Variants in DLGAP1 observed in about 807,000 individuals in gnomAD.
DLGAP1 encodes the protein disks large-associated protein 1.
Under a neutral mutation model 90.8 loss-of-function variants are expected in DLGAP1, and 11 were observed. The observed-to-expected ratio is 0.12, with a 90% confidence interval of 0.08 to 0.20. The LOEUF (loss-of-function observed/expected upper bound fraction) is 0.20. Ranked by LOEUF, DLGAP1 falls within the 10% of genes least tolerant of loss-of-function variation. The pLI is 1.00. For missense variants in DLGAP1, 1,050 were observed against 1,333.8 expected (o/e 0.79, Z 3.31); for synonymous variants, 558 against 540.7 (o/e 1.03, Z -0.44).
intron 1 of DLGAP1, among the ~76,000 whole-genome samples, chr18:4,345,886 C>A (rs2081293983): frequency 6.6e-6 from 1 of 152,336 alleles, no homozygotes; most frequent in Middle Eastern, 3.4e-3. Flanking sequence ...TTTTCAAACT[C>A]TTACACAGTG....
intron 1 of DLGAP1, among the ~76,000 whole-genome samples, chr18:4,274,096 G>C (rs2079352109): frequency 6.6e-6 from 1 of 150,888 alleles, no homozygotes; most frequent in South Asian, 2.1e-4. Flanking sequence ...TCCGTCTTAA[G>C]GTGGAAGGTT....
Position 3,541,039 on chromosome 18 carries a change from G to C in DLGAP1, c.2058-6424C>G, listed in dbSNP as rs149732919. Among the ~76,000 whole-genome samples the C allele has an allele frequency of 8.7e-3, 1,319 of 152,240 alleles. 26 individuals carry two copies. The highest frequency in any genetic ancestry group is 0.03 in the African/African-American group (1,252 of 41,536). On this transcript the variant is annotated intron_variant, in intron 9 of 12. Coordinates refer to ENST00000315677, the MANE Select transcript of DLGAP1 (RefSeq NM_004746.4). ...CTTGAACTGAATGTGCCCCCAGAAG[G>C]AACTGCTTTACCTCCGCAACTGGAA... is the stretch of plus-strand genomic sequence containing the variant.
At chr18:3,675,963 TAGTG>T (rs1447919021) in intron 7 of DLGAP1, among the ~76,000 whole-genome samples, 6 of 152,216 alleles carry the variant, frequency 3.9e-5, no homozygotes, top group Non-Finnish European at 4.4e-5. Flanking sequence ...CTTAGGCAGA[TAGTG>T]AGGGTACGGA....
At chr18:4,038,443 G>A (rs917654934) in intron 2 of DLGAP1, among the ~76,000 whole-genome samples, 1 of 152,168 alleles carries the variant, frequency 6.6e-6, no homozygotes, top group Non-Finnish European at 1.5e-5. Flanking sequence ...TAGGAGAGCA[G>A]CCACAGAGAG....
At chr18:3,612,801 G>A (rs931536187) in intron 7 of DLGAP1, among the ~76,000 whole-genome samples, 6 of 152,004 alleles carry the variant, frequency 3.9e-5, no homozygotes, top group Admixed American at 6.6e-5. Flanking sequence ...CAAAACCTTT[G>A]TGTTAGCTAT....
chr18:3,797,824 A>C (rs948590051), intron 5 of DLGAP1, among the ~76,000 whole-genome samples: 2 of 152,132 alleles, frequency 1.3e-5, no homozygotes, highest in African/African-American at 2.4e-5. Flanking sequence ...TCCCCACCCA[A>C]ATCTCATCTT....
chr18:3,748,919 T>A (rs913952022), intron 5 of DLGAP1, among the ~76,000 whole-genome samples: 7 of 152,242 alleles, frequency 4.6e-5, no homozygotes, highest in Non-Finnish European at 1.0e-4. Flanking sequence ...AGTTGTTTAC[T>A]TTTGTAGTTG....
intron 8 of DLGAP1, among the ~76,000 whole-genome samples, chr18:3,579,055 A>G (rs1336612108): frequency 6.6e-6 from 1 of 152,024 alleles, no homozygotes; most frequent in Non-Finnish European, 1.5e-5. Flanking sequence ...AATAATTATT[A>G]TTATTATTCT....
Position 3,879,751 on chromosome 18 carries a change from C to G in DLGAP1, c.318G>C (p.Gln106His). 6.2e-7 allele frequency: 1 copy of G among 1,608,446 alleles called. No individual in the cohort carries two copies. The highest frequency in any genetic ancestry group is 2.2e-5 in the East Asian group (1 of 44,862). Reference protein sequence around the residue: ...ANRIPANLLDQFERQLPLSRD... With the variant: ...ANRIPANLLDHFERQLPLSRD... ...GGCTGAGTGGCAGCTGCCGCTCGAA[C>G]TGGTCCAGCAGGTTGGCGGGGATGC... is the stretch of plus-strand genomic sequence containing the variant. The change falls in exon 4 of 13, where the codon CAG (glutamine) becomes CAC (histidine). Residue 106 changes from glutamine (Q) to histidine (H), a missense_variant. By Grantham distance (24) the Gln-to-His change is conservative. Coordinates refer to ENST00000315677, the MANE Select transcript of DLGAP1 (RefSeq NM_004746.4). The surrounding 1 kb of genome is among the most constrained non-coding windows in gnomAD (Gnocchi z 6.6).
intron 1 of DLGAP1, among the ~76,000 whole-genome samples, chr18:4,384,777 T>C (rs1420105393): frequency 2.0e-5 from 3 of 151,274 alleles, no homozygotes; most frequent in Non-Finnish European, 2.9e-5. Flanking sequence ...TCTATTGCTT[T>C]TTATTATTAG....
chr18:4,251,235 A>G (rs143865819), intron 1 of DLGAP1, among the ~76,000 whole-genome samples: 26 of 152,346 alleles, frequency 1.7e-4, no homozygotes, highest in Admixed American at 1.4e-3. Context: ...CCTCTTAGAC[A>G]TAAATCTTAT....
chr18:4,425,390 G>A (rs2083129822), intron 1 of DLGAP1, among the ~76,000 whole-genome samples: 1 of 152,148 alleles, frequency 6.6e-6, no homozygotes, highest in Non-Finnish European at 1.5e-5. Context: ...GTTGATGTGA[G>A]GGTGAAGGAA....
chr18:3,503,493 T>G (rs369599511), intron 11 of DLGAP1, among the ~76,000 whole-genome samples: 1 of 152,150 alleles, frequency 6.6e-6, no homozygotes, highest in East Asian at 1.9e-4. Context: ...AATATCATAC[T>G]CTTTGTTAAT....
chr18:3,799,063 G>T (rs534357238), intron 5 of DLGAP1, among the ~76,000 whole-genome samples: 3 of 152,156 alleles, frequency 2.0e-5, no homozygotes, highest in African/African-American at 7.2e-5. Flanking sequence ...TAGTACAGAC[G>T]GGGGGTTTTC....
At chr18:4,022,417 ACACACAC>A (rs2074627563) in intron 2 of DLGAP1, among the ~76,000 whole-genome samples, 1 of 150,062 alleles carries the variant, frequency 6.7e-6, no homozygotes, top group African/African-American at 2.5e-5. Flanking sequence ...TTACACACAC[ACACACAC>A]CACACACACA....
At chr18:4,444,016 C>G (rs550257123) in intron 1 of DLGAP1, among the ~76,000 whole-genome samples, 1 of 152,332 alleles carries the variant, frequency 6.6e-6, no homozygotes, top group South Asian at 2.1e-4. Context: ...CTACTGATCC[C>G]TTCTTCTAAG....
At chr18:4,240,567 A>T (rs1244359873) in intron 1 of DLGAP1, among the ~76,000 whole-genome samples, 1 of 152,194 alleles carries the variant, frequency 6.6e-6, no homozygotes, top group Non-Finnish European at 1.5e-5. Flanking sequence ...GTCAAAAAAG[A>T]GATTAAACTC....
At chr18:3,776,046 T>C (rs1421291157) in intron 5 of DLGAP1, among the ~76,000 whole-genome samples, 1 of 151,862 alleles carries the variant, frequency 6.6e-6, no homozygotes, top group African/African-American at 2.4e-5. Flanking sequence ...CTTCTGTGAG[T>C]TTCCCACCCC....
At chr18:3,705,766 C>T (rs2061412556) in intron 7 of DLGAP1, among the ~76,000 whole-genome samples, 1 of 151,342 alleles carries the variant, frequency 6.6e-6, no homozygotes, top group Middle Eastern at 3.2e-3. Context: ...TCAAGTGATT[C>T]TCCTGCCTTA....
Sources: allele counts gnomAD v4.1 joint callset (sites outside exome capture counted in the v4.1 genomes callset), GRCh38; gene constraint gnomAD v4.1.1; non-coding constraint Gnocchi (gnomAD v3.1); transcripts MANE v1.5; gene names NCBI Gene and HGNC (gene_info 2026-07-23, HGNC 2026-07-21).